The following DACH1 variants were observed in gnomAD, a reference collection of about 807,000 sequenced individuals.
DACH1 encodes the protein dachshund family transcription factor 1.
In DACH1, 12 loss-of-function variants were observed where a neutral mutation model predicts 54.2. That is an observed-to-expected ratio of 0.22 (90% confidence interval 0.14 to 0.36). The LOEUF (loss-of-function observed/expected upper bound fraction) is 0.36. DACH1 is among the 10% of genes least tolerant of loss of function. The pLI is 1.00. For synonymous variants in DACH1, 386 were observed against 366.2 expected, an observed-to-expected ratio of 1.05 and a Z score of -0.62; for missense variants, 805 against 929.8, an observed-to-expected ratio of 0.87 and a Z score of 1.75.
chr13:71,760,445 A>G lies in DACH1; in HGVS notation c.849-78535T>C, dbSNP rs180691507. Among the ~76,000 whole-genome samples the G allele has an allele frequency of 1.1e-3, 165 of 152,324 alleles. 1 individual carries two copies. Among genetic ancestry groups the G allele is most frequent in the South Asian group, 2.5e-3 (12 of 4,826 alleles). ...TCTCACTGCGCTCTGTATTCAAACAAGGGGGACCTATTACACTGAAAGCTC... is the reference window on the plus strand; with the variant it reads ...TCTCACTGCGCTCTGTATTCAAACAGGGGGGACCTATTACACTGAAAGCTC... On this transcript the variant is annotated intron_variant, in intron 1 of 10. Coordinates refer to ENST00000613252, the MANE Select transcript of DACH1 (RefSeq NM_080759.6).
intron 3 of DACH1, among the ~76,000 whole-genome samples, chr13:71,625,086 C>T (rs370510995): frequency 1.3e-5 from 2 of 151,956 alleles, no homozygotes; most frequent in East Asian, 3.9e-4. Flanking sequence ...CTCTCAGGAC[C>T]TATGTCTAAA....
intron 2 of DACH1, among the ~76,000 whole-genome samples, chr13:71,661,166 C>CAT (rs199916609): frequency 1.1e-4 from 17 of 150,492 alleles, no homozygotes; most frequent in African/African-American, 2.2e-4. Flanking sequence ...CAGACACATA[C>CAT]ATATATATAT....
chr13:71,481,396 T>A (rs1388032798), intron 7 of DACH1, among the ~76,000 whole-genome samples: 1 of 152,226 alleles, frequency 6.6e-6, no homozygotes, highest in East Asian at 1.9e-4. Context: ...TGAATAATGT[T>A]AAACTGCAAC....
chr13:71,534,826 G>T (rs1010471560), intron 6 of DACH1, among the ~76,000 whole-genome samples: 20 of 151,754 alleles, frequency 1.3e-4, no homozygotes, highest in Non-Finnish European at 2.7e-4. Flanking sequence ...CGAAAAACAA[G>T]TTGAAATTTA....
chr13:71,627,277 T>A (rs1184810729), intron 3 of DACH1, among the ~76,000 whole-genome samples: 1 of 148,738 alleles, frequency 6.7e-6, no homozygotes, highest in East Asian at 2.0e-4. Flanking sequence ...AAAAACATAA[T>A]CTGTTATCTG....
chr13:71,842,968 T>A (rs967900363), intron 1 of DACH1, among the ~76,000 whole-genome samples: 2 of 152,200 alleles, frequency 1.3e-5, no homozygotes, highest in Non-Finnish European at 2.9e-5. Flanking sequence ...TAACATTTTA[T>A]AATTTATGGA....
chr13:71,601,837 G>T (rs1020860243), intron 3 of DACH1, among the ~76,000 whole-genome samples: 5 of 151,904 alleles, frequency 3.3e-5, no homozygotes, highest in African/African-American at 1.2e-4. Flanking sequence ...CATGTTATGG[G>T]TTGCCAGAAT....
chr13:71,608,024 T>A (rs1225837574), intron 3 of DACH1, among the ~76,000 whole-genome samples: 3 of 151,642 alleles, frequency 2.0e-5, no homozygotes, highest in Non-Finnish European at 2.9e-5. Flanking sequence ...ATGTAGATTA[T>A]GAATTAGGCA....
At chr13:71,564,439 A>G (rs542719522) in intron 4 of DACH1, among the ~76,000 whole-genome samples, 2 of 152,066 alleles carry the variant, frequency 1.3e-5, no homozygotes, top group African/African-American at 4.8e-5. Flanking sequence ...CGCCACAATA[A>G]TAAATGAAAA....
intron 3 of DACH1, among the ~76,000 whole-genome samples, chr13:71,596,463 ACT>A (rs1297437270): frequency 6.6e-6 from 1 of 152,170 alleles, no homozygotes; most frequent in Non-Finnish European, 1.5e-5. Flanking sequence ...GTTTATATAC[ACT>A]GTGTTCATAT....
At chr13:71,447,417 G>A (rs1364835643) in intron 10 of DACH1, among the ~76,000 whole-genome samples, 1 of 152,126 alleles carries the variant, frequency 6.6e-6, no homozygotes, top group Non-Finnish European at 1.5e-5. Flanking sequence ...ATTATTATAT[G>A]AAGTTATTGC....
At chr13:71,524,589 AATAAAT>A (rs1217146036) in intron 6 of DACH1, among the ~76,000 whole-genome samples, 1 of 152,134 alleles carries the variant, frequency 6.6e-6, no homozygotes, top group African/African-American at 2.4e-5. Context: ...GCTGAGTATT[AATAAAT>A]ATAGTTTGTA....
chr13:71,750,863 A>G (rs1311780908), intron 1 of DACH1, among the ~76,000 whole-genome samples: 1 of 152,202 alleles, frequency 6.6e-6, no homozygotes, highest in Non-Finnish European at 1.5e-5. Flanking sequence ...TGAAACACAC[A>G]CATTGTTGTC....
At chr13:71,847,735 T>C (rs555836811) in intron 1 of DACH1, among the ~76,000 whole-genome samples, 4 of 152,308 alleles carry the variant, frequency 2.6e-5, no homozygotes, top group African/African-American at 9.6e-5. Context: ...CAATTAGATC[T>C]GATTTTAACA....
intron 2 of DACH1, among the ~76,000 whole-genome samples, chr13:71,669,108 CG>C: frequency 6.6e-6 from 1 of 152,238 alleles, no homozygotes; most frequent in African/African-American, 2.4e-5. Flanking sequence ...AACTCTGAAT[CG>C]GATGGCATCT....
Position 71,557,008 on chromosome 13 carries a change from T to C in DACH1, c.1570+16A>G. On this transcript the variant is annotated intron_variant, in intron 6 of 10. Coordinates refer to ENST00000613252, the MANE Select transcript of DACH1 (RefSeq NM_080759.6). ...ATTGAATCGGGAAAAACAAGGAATA[T>C]ATAATCATACATTACCTTTTTCAAT... 1 of 1,586,366 alleles carries C rather than the reference T, an allele frequency of 6.3e-7. No individual in the cohort carries two copies. Among genetic ancestry groups the C allele is most frequent in the Non-Finnish European group, 8.6e-7 (1 of 1,169,084 alleles).
chr13:71,547,204 A>T (rs1291221761), intron 6 of DACH1, among the ~76,000 whole-genome samples: 1 of 152,112 alleles, frequency 6.6e-6, no homozygotes, highest in Non-Finnish European at 1.5e-5. Flanking sequence ...TGCTCAGCAA[A>T]TTGCTAACTA....
intron 3 of DACH1, among the ~76,000 whole-genome samples, chr13:71,589,641 T>G (rs994556857): frequency 2.0e-5 from 3 of 151,944 alleles, no homozygotes; most frequent in African/African-American, 7.2e-5. Context: ...GATATAGCTT[T>G]AAATTCATTG....
At chr13:71,862,821 A>G (rs9542760) in intron 1 of DACH1, among the ~76,000 whole-genome samples, 20,867 of 152,084 alleles carry the variant, frequency 0.14, 1,900 homozygotes, top group African/African-American at 0.26. Flanking sequence ...CCATGCTATT[A>G]AGAGATAGAC....
Sources: gnomAD v4.1 joint callset for allele counts (sites outside exome capture counted in the v4.1 genomes callset) on GRCh38, gnomAD v4.1.1 for gene constraint, MANE v1.5 for transcripts, NCBI Gene and HGNC (gene_info 2026-07-23, HGNC 2026-07-21) for gene names.